The following RAB19 variants were observed in gnomAD, a reference collection of about 807,000 sequenced individuals.
The protein encoded by RAB19 is RAB19, member RAS oncogene family, also known as ras-related protein Rab-19.
A neutral mutation model predicts 17.3 loss-of-function variants in RAB19; 21 were observed. That is an observed-to-expected ratio of 1.21 (90% CI 0.86 to 1.74). The LOEUF is 1.74. RAB19 is among the 40% of genes most tolerant of loss of function. The pLI is 0.00. For missense variants in RAB19, 277 were observed against 286.8 expected, an observed-to-expected ratio of 0.97 and a Z score of 0.25; for synonymous variants, 126 against 110.4, an observed-to-expected ratio of 1.14 and a Z score of -0.88.
chr7:140,410,560 T>C (rs1799340516), intron 2 of RAB19, among the ~76,000 whole-genome samples: 1 of 151,974 alleles, frequency 6.6e-6, no homozygotes, highest in Non-Finnish European at 1.5e-5. Context: ...TCTCCTGACC[T>C]CATGATCCAC....
chr7:140,426,025 A>G lies in RAB19; in HGVS notation c.529A>G (p.Lys177Glu). The G allele has an allele frequency of 2.5e-6, 4 of 1,614,168 alleles. No individual in the cohort carries two copies. The highest frequency in any genetic ancestry group is 3.4e-6 in the Non-Finnish European group (4 of 1,180,032). Reference sequence around the variant, plus strand: ...AGAAGAAGTCTTCGTGCTCATGGCCAAGGAGCTGATCGCGCGCAACAGCCT... The same window carrying G: ...AGAAGAAGTCTTCGTGCTCATGGCCGAGGAGCTGATCGCGCGCAACAGCCT... ...NIEEVFVLMA[K>E]ELIARNSLHL... Residue 177 changes from lysine to glutamate, a missense_variant, in exon 4 of 4, where the codon AAG becomes GAG. Physicochemically the swap from Lys to Glu is moderately conservative, Grantham distance 56. Coordinates refer to ENST00000537763, the MANE Select transcript of RAB19 (RefSeq NM_001008749.3).
At chr7:140,419,220 C>T (rs1799516452) in intron 3 of RAB19, among the ~76,000 whole-genome samples, 1 of 151,996 alleles carries the variant, frequency 6.6e-6, no homozygotes, top group Admixed American at 6.6e-5. Flanking sequence ...CAGGCATGTG[C>T]CACCACGCCC....
intron 3 of RAB19, among the ~76,000 whole-genome samples, chr7:140,423,231 G>A (rs1481052804): frequency 1.3e-5 from 2 of 152,014 alleles, no homozygotes; most frequent in Non-Finnish European, 2.9e-5. Flanking sequence ...TCTGAGGTCG[G>A]GAGTTCAAGG....
Position 140,426,119 on chromosome 7 carries a change from G to A in RAB19, c.623G>A (p.Gly208Asp). The A allele has an allele frequency of 6.2e-7, 1 of 1,613,998 alleles. No homozygotes were observed. The highest frequency in any genetic ancestry group is 8.5e-7 in the Non-Finnish European group (1 of 1,179,966). Reference protein sequence around the residue: ...LDSSPVLMAQGPSEKTHCTC With the variant: ...LDSSPVLMAQDPSEKTHCTC ...TCCAGCCCCGTTCTTATGGCCCAGG[G>A]TCCAAGTGAAAAGACCCACTGCACT... Residue 208 changes from glycine (G) to aspartate (D), a missense_variant, in exon 4 of 4, where the codon GGT (glycine) becomes GAT (aspartate). Coordinates refer to ENST00000537763, the MANE Select transcript of RAB19 (RefSeq NM_001008749.3).
chr7:140,421,897 G>A (rs1799568517), intron 3 of RAB19, among the ~76,000 whole-genome samples: 2 of 151,944 alleles, frequency 1.3e-5, no homozygotes, highest in African/African-American at 2.4e-5. Flanking sequence ...TGCTTCCTGT[G>A]TCCTATTTAG....
rs143191311 is a variant in RAB19, at chr7:140,427,938, T to A, written c.*1788T>A. On this transcript the variant is annotated 3_prime_UTR_variant, in exon 4 of 4. Coordinates refer to ENST00000537763, the MANE Select transcript of RAB19 (RefSeq NM_001008749.3). ...CATCTGCCAGATCAGAAGTCATTTT[T>A]AAATTAAAATTAAATTGGTTCATAG... 6.6e-4 allele frequency among the ~76,000 whole-genome samples: 100 copies of A among 152,294 alleles called. No individual in the cohort carries two copies. Among genetic ancestry groups the A allele is most frequent in the African/African-American group, 2.3e-3 (97 of 41,572 alleles).
chr7:140,404,518 T>A (rs1358077039), intron 1 of RAB19: 2 of 152,168 alleles, frequency 1.3e-5, no homozygotes, highest in African/African-American at 4.8e-5. Context: ...CATATGTGAT[T>A]TCAGAGAGGT....
chr7:140,409,393 T>C (rs1161193665), intron 2 of RAB19, among the ~76,000 whole-genome samples: 1 of 146,610 alleles, frequency 6.8e-6, no homozygotes, highest in African/African-American at 2.5e-5. Context: ...ATTTTCTGTG[T>C]ACTCAAAAAT....
In RAB19 at chr7:140,406,366, G is replaced by A. The variant is rs144645071; in HGVS notation, c.-23-1258G>A. ...AGAAACCTTAATTTTCTGGCGGCGC[G>A]TGATGGCTCAGGCCTGTAATCCCAG... On this transcript the variant is annotated intron_variant, in intron 1 of 3. Coordinates refer to ENST00000537763, the MANE Select transcript of RAB19 (RefSeq NM_001008749.3). Among the ~76,000 whole-genome samples the A allele has an allele frequency of 6.6e-3, 1,008 of 151,624 alleles. 11 individuals carry two copies. Among genetic ancestry groups the A allele is most frequent in the African/African-American group, 0.023 (947 of 41,360 alleles).
chr7:140,412,809 T>C (rs562064983), intron 3 of RAB19, among the ~76,000 whole-genome samples: 7 of 151,736 alleles, frequency 4.6e-5, no homozygotes, highest in East Asian at 1.9e-4. Flanking sequence ...TTTCTAAGTG[T>C]TTACCAATAA....
Position 140,427,612 on chromosome 7 carries a change from T to A in RAB19, c.*1462T>A, listed in dbSNP as rs1485611969. 6.7e-6 allele frequency among the ~76,000 whole-genome samples: 1 copy of A among 150,362 alleles called. No homozygotes were observed. The highest frequency in any genetic ancestry group is 1.5e-5 in the Non-Finnish European group (1 of 67,754). On this transcript the variant is annotated 3_prime_UTR_variant, in exon 4 of 4. Transcript: ENST00000537763. ...GATTACAGCCTCCCGCCACCACGCC[T>A]AGCTAATTTTTGTGTTTTTAGTAGA...
intron 3 of RAB19, among the ~76,000 whole-genome samples, chr7:140,424,323 A>G (rs1293940607): frequency 6.8e-6 from 1 of 146,848 alleles, no homozygotes; most frequent in Non-Finnish European, 1.5e-5. Context: ...ACACCCAGCT[A>G]ATTTTGTATT....
chr7:140,413,233 T>C (rs1269727525), intron 3 of RAB19, among the ~76,000 whole-genome samples: 1 of 152,196 alleles, frequency 6.6e-6, no homozygotes, highest in East Asian at 1.9e-4. Flanking sequence ...TCTGTTCCAT[T>C]GGTCTATGTG....
chr7:140,405,788 CAAAA>C (rs35424074), intron 1 of RAB19, among the ~76,000 whole-genome samples: 36 of 108,798 alleles, frequency 3.3e-4, no homozygotes, highest in African/African-American at 9.9e-4. Context: ...GACTCTGTCT[CAAAA>C]AAAAAAAAAA....
At chr7:140,405,009 T>A (rs1340440723) in intron 1 of RAB19, among the ~76,000 whole-genome samples, 2 of 152,122 alleles carry the variant, frequency 1.3e-5, no homozygotes, top group Non-Finnish European at 2.9e-5. Context: ...CAGGAGGTAG[T>A]CAGTTCCTTG....
In RAB19 at chr7:140,426,174, C is replaced by T; in HGVS notation, c.*24C>T. ...AAGATGTTTGCAAAGCCAGTTGCACCCACCAAAGAGGCCGCCTCTGAAACC... is the reference window on the plus strand; with the variant it reads ...AAGATGTTTGCAAAGCCAGTTGCACTCACCAAAGAGGCCGCCTCTGAAACC... On this transcript the variant is annotated 3_prime_UTR_variant, in exon 4 of 4. Transcript: ENST00000537763. 2 of 1,599,756 alleles carry T rather than the reference C, an allele frequency of 1.3e-6. No individual in the cohort carries two copies. The highest frequency in any genetic ancestry group is 2.2e-5 in the East Asian group (1 of 44,672).
chr7:140,409,951 C>A (rs1330872399), intron 2 of RAB19, among the ~76,000 whole-genome samples: 2 of 138,560 alleles, frequency 1.4e-5, no homozygotes, highest in East Asian at 4.3e-4. Context: ...CGAGATCATA[C>A]CACTGCACTC....
chr7:140,416,303 G>A (rs965656849), intron 3 of RAB19, among the ~76,000 whole-genome samples: 1 of 152,048 alleles, frequency 6.6e-6, no homozygotes, highest in African/African-American at 2.4e-5. Flanking sequence ...ACTCCAGCCT[G>A]AGCAACAAGA....
intron 3 of RAB19, among the ~76,000 whole-genome samples, chr7:140,425,125 A>C (rs1799639985): frequency 6.6e-6 from 1 of 151,946 alleles, no homozygotes; most frequent in Non-Finnish European, 1.5e-5. Flanking sequence ...GTCTCTACTA[A>C]AAATACAAAA....
Sources: gnomAD v4.1 joint callset for allele counts (sites outside exome capture counted in the v4.1 genomes callset) on GRCh38, gnomAD v4.1.1 for gene constraint, MANE v1.5 for transcripts, NCBI Gene and HGNC (gene_info 2026-07-23, HGNC 2026-07-21) for gene names.